DLGAP1: variants seen among roughly 807,000 people sequenced by gnomAD.
The protein encoded by DLGAP1 is DLG associated protein 1, also known as disks large-associated protein 1.
A neutral mutation model predicts 90.8 loss-of-function variants in DLGAP1; 11 were observed. The ratio of observed to expected loss-of-function variants is 0.12; its 90% CI spans 0.08 to 0.20. The LOEUF (loss-of-function observed/expected upper bound fraction) is 0.20, where lower values mean the gene tolerates loss of function less well. Among genes scored for constraint, DLGAP1 ranks in the 10% least tolerant of loss-of-function variants. The pLI, the probability that DLGAP1 is intolerant of heterozygous loss-of-function variation, is 1.00. For missense variants in DLGAP1, 1,050 were observed against 1,333.8 expected, an observed-to-expected ratio of 0.79 and a Z score of 3.31; for synonymous variants, 558 against 540.7, an observed-to-expected ratio of 1.03 and a Z score of -0.44.
intron 1 of DLGAP1, among the ~76,000 whole-genome samples, chr18:4,400,189 T>C (rs2082525287): frequency 6.6e-6 from 1 of 151,906 alleles, no homozygotes; most frequent in Admixed American, 6.6e-5. Flanking sequence ...GCACTCCCCA[T>C]CTCCCCAGCA....
At chr18:4,341,644 C>T (rs2081190959) in intron 1 of DLGAP1, among the ~76,000 whole-genome samples, 2 of 152,300 alleles carry the variant, frequency 1.3e-5, no homozygotes, top group East Asian at 1.9e-4. Context: ...CCCCACCCTA[C>T]ACCTGTCTTT....
chr18:3,793,780 T>A (rs572051797), intron 5 of DLGAP1, among the ~76,000 whole-genome samples: 2 of 152,196 alleles, frequency 1.3e-5, no homozygotes, highest in Non-Finnish European at 2.9e-5. Flanking sequence ...CACAGCTGCA[T>A]GCCCCACTCT....
intron 2 of DLGAP1, among the ~76,000 whole-genome samples, chr18:4,135,475 T>A (rs1279540647): frequency 6.6e-6 from 1 of 152,216 alleles, no homozygotes; most frequent in Non-Finnish European, 1.5e-5. Context: ...TATTTAAACA[T>A]TTAGTAACTG....
chr18:4,004,232 G>A (rs570434938), intron 3 of DLGAP1, among the ~76,000 whole-genome samples: 1 of 152,206 alleles, frequency 6.6e-6, no homozygotes, highest in South Asian at 2.1e-4. Context: ...AGGATCATAG[G>A]AATTGAGGTA....
intron 7 of DLGAP1, among the ~76,000 whole-genome samples, chr18:3,707,988 T>C (rs1326856831): frequency 6.6e-6 from 1 of 151,008 alleles, no homozygotes; most frequent in African/African-American, 2.4e-5. Context: ...AAAAACTGCA[T>C]ACAACTCATC....
intron 3 of DLGAP1, among the ~76,000 whole-genome samples, chr18:3,993,736 C>T (rs2074014000): frequency 6.6e-6 from 1 of 152,098 alleles, no homozygotes; most frequent in Non-Finnish European, 1.5e-5. Flanking sequence ...GAATGAATCT[C>T]TCATAGTTTC....
At chr18:3,923,210 T>C (rs2072307462) in intron 3 of DLGAP1, among the ~76,000 whole-genome samples, 1 of 151,820 alleles carries the variant, frequency 6.6e-6, no homozygotes, top group East Asian at 1.9e-4. Flanking sequence ...ATAGTGTTCA[T>C]TGGAGAAGAA....
chr18:4,306,550 A>G (rs2080270508), intron 1 of DLGAP1, among the ~76,000 whole-genome samples: 1 of 151,892 alleles, frequency 6.6e-6, no homozygotes, highest in Admixed American at 6.6e-5. Context: ...GGAGGAGAGG[A>G]AAACAGAAGC....
At chr18:4,335,219 C>CA (rs891979842) in intron 1 of DLGAP1, among the ~76,000 whole-genome samples, 1 of 151,876 alleles carries the variant, frequency 6.6e-6, no homozygotes, top group Non-Finnish European at 1.5e-5. Flanking sequence ...GAAATAAAGA[C>CA]ATTTATGTGG....
chr18:3,683,828 T>G (rs1485937777), intron 7 of DLGAP1, among the ~76,000 whole-genome samples: 1 of 152,184 alleles, frequency 6.6e-6, no homozygotes, highest in Non-Finnish European at 1.5e-5. Context: ...AGTGTGGTAT[T>G]GCGATCTCTT....
chr18:4,017,928 G>T (rs1408337273), intron 2 of DLGAP1, among the ~76,000 whole-genome samples: 1 of 151,988 alleles, frequency 6.6e-6, no homozygotes, highest in Non-Finnish European at 1.5e-5. Flanking sequence ...ACCAGTTAAT[G>T]ATTCAGTTTG....
At chr18:3,622,935 G>C (rs1365510789) in intron 7 of DLGAP1, among the ~76,000 whole-genome samples, 2 of 152,146 alleles carry the variant, frequency 1.3e-5, no homozygotes, top group African/African-American at 2.4e-5. Context: ...CTCCCCAGTA[G>C]ATGGGACTAC....
At chr18:4,156,476 T>C (rs2076758539) in intron 1 of DLGAP1, among the ~76,000 whole-genome samples, 4 of 152,198 alleles carry the variant, frequency 2.6e-5, no homozygotes, top group African/African-American at 9.6e-5. Flanking sequence ...CTGACTATAT[T>C]ATAAGATTAT....
intron 7 of DLGAP1, among the ~76,000 whole-genome samples, chr18:3,706,049 T>C (rs559862839): frequency 1.3e-5 from 2 of 149,522 alleles, no homozygotes; most frequent in South Asian, 2.1e-4. Flanking sequence ...CCAGGCTGGA[T>C]TGCCCAGGCG....
intron 1 of DLGAP1, among the ~76,000 whole-genome samples, chr18:4,185,632 A>G (rs1488184104): frequency 3.3e-5 from 5 of 152,102 alleles, no homozygotes; most frequent in African/African-American, 1.2e-4. Flanking sequence ...TACATGTACC[A>G]CATTTTGGAC....
In DLGAP1 at chr18:4,110,009, G is replaced by A. The variant is rs184350880; in HGVS notation, c.-159+41171C>T. On this transcript the variant is annotated intron_variant, in intron 2 of 12. Coordinates refer to ENST00000315677, the MANE Select transcript of DLGAP1 (RefSeq NM_004746.4). The stretch of plus-strand genomic sequence containing the variant: ...TTCACATGTGTAGAAGATTTCTCTC[G>A]TCTCCAAAAAAAAAGGATACACAGA... Among the ~76,000 whole-genome samples, 598 of 134,854 alleles carry A rather than the reference G, an allele frequency of 4.4e-3. 3 individuals carry two copies. Among genetic ancestry groups the A allele is most frequent in the African/African-American group, 0.017 (563 of 32,748 alleles). The allele number at this position is 134,854 out of a possible 152,430, so 88.5% of individuals were successfully genotyped here.
At chr18:3,669,475 G>A (rs570594291) in intron 7 of DLGAP1, among the ~76,000 whole-genome samples, 6 of 152,284 alleles carry the variant, frequency 3.9e-5, no homozygotes, top group African/African-American at 1.4e-4. Context: ...ACAAGCGGCT[G>A]GACGTGTTGG....
chr18:4,033,530 T>C (rs936793591), intron 2 of DLGAP1, among the ~76,000 whole-genome samples: 3 of 152,170 alleles, frequency 2.0e-5, no homozygotes, highest in African/African-American at 4.8e-5. Flanking sequence ...GGATAATAAA[T>C]TTAAAAATTC....
intron 2 of DLGAP1, among the ~76,000 whole-genome samples, chr18:4,086,069 A>ATAGAATGTCCAACTCTGCTTC (rs1324048143): frequency 6.6e-6 from 1 of 152,214 alleles, no homozygotes; most frequent in Non-Finnish European, 1.5e-5. Flanking sequence ...GGTGAAGATT[A>ATAGAATGTCCAACTCTGCTTC]TAGAATGTCC....
Sources: allele counts gnomAD v4.1 joint callset (sites outside exome capture counted in the v4.1 genomes callset), GRCh38; gene constraint gnomAD v4.1.1; transcripts MANE v1.5; gene names NCBI Gene and HGNC (gene_info 2026-07-23, HGNC 2026-07-21).